Variants in EEFSEC observed in about 807,000 individuals in gnomAD.
The protein encoded by EEFSEC is eukaryotic elongation factor, selenocysteine-tRNA specific, also known as selenocysteine-specific elongation factor.
In EEFSEC, 43 loss-of-function variants were observed where a neutral mutation model predicts 42.1. The ratio of observed to expected loss-of-function variants is 1.02; its 90% CI spans 0.80 to 1.32. The LOEUF is 1.32. Among genes scored for constraint, EEFSEC ranks in the 40% most tolerant of loss-of-function variants. The pLI is 0.00. For missense variants in EEFSEC, 745 were observed against 803.6 expected (o/e 0.93, Z 0.88); for synonymous variants, 354 against 339.1 (o/e 1.04, Z -0.48).
rs566740488 is a variant in EEFSEC at position 128,311,135 on chromosome 3, A to G, written c.787-30098A>G. Reference sequence around the variant, plus strand: ...ATTCAGATTTAGACCAATGTGTTTTAGAAAAGGACTAACCATGAGATTCCC... The same window carrying G: ...ATTCAGATTTAGACCAATGTGTTTTGGAAAAGGACTAACCATGAGATTCCC... On this transcript the variant is annotated intron_variant, in intron 4 of 6. Coordinates refer to ENST00000254730, the MANE Select transcript of EEFSEC (RefSeq NM_021937.5). 3.9e-5 allele frequency among the ~76,000 whole-genome samples: 6 copies of G among 152,394 alleles called. No homozygotes were observed. In the East Asian group the frequency reaches 1.2e-3, roughly 29 times the overall value.
At chr3:128,161,153 A>G (rs2065182304) in intron 1 of EEFSEC, among the ~76,000 whole-genome samples, 1 of 152,156 alleles carries the variant, frequency 6.6e-6, no homozygotes, top group Non-Finnish European at 1.5e-5. Context: ...GAAAAAGTGT[A>G]CCCGTCCATT....
chr3:128,416,468 C>T, the EEFSEC span, among the ~76,000 whole-genome samples: 1 of 152,208 alleles, frequency 6.6e-6, no homozygotes, highest in Non-Finnish European at 1.5e-5. Context: ...CGGCCATGCC[C>T]CTGCCTGGAG....
chr3:128,312,699 C>T (rs113506477), intron 4 of EEFSEC, among the ~76,000 whole-genome samples: 31 of 152,388 alleles, frequency 2.0e-4, no homozygotes, highest in African/African-American at 6.5e-4. Flanking sequence ...GGCAGGGCTA[C>T]AGCAGGTGTG....
chr3:128,221,894 C>T (rs1303298493), intron 1 of EEFSEC, among the ~76,000 whole-genome samples: 1 of 151,898 alleles, frequency 6.6e-6, no homozygotes, highest in African/African-American at 2.4e-5. Context: ...GAAAACAAAC[C>T]AAAAAGAAAT....
chr3:128,371,170 C>G (rs1326262031), intron 6 of EEFSEC, among the ~76,000 whole-genome samples: 1 of 151,908 alleles, frequency 6.6e-6, no homozygotes, highest in Non-Finnish European at 1.5e-5. Flanking sequence ...TTCATGGAAT[C>G]CAATTGAGGC....
chr3:128,265,206 C>G (rs2066341880), intron 4 of EEFSEC, among the ~76,000 whole-genome samples: 1 of 152,128 alleles, frequency 6.6e-6, no homozygotes. Context: ...GTACCTTTTT[C>G]TTAACCACAG....
chr3:128,265,972 A>G (rs1211475957), intron 4 of EEFSEC, among the ~76,000 whole-genome samples: 1 of 152,210 alleles, frequency 6.6e-6, no homozygotes, highest in Non-Finnish European at 1.5e-5. Context: ...GAATTTGCTT[A>G]TACTATTATA....
intron 4 of EEFSEC, among the ~76,000 whole-genome samples, chr3:128,291,714 T>A (rs2066645836): frequency 6.6e-6 from 1 of 152,256 alleles, no homozygotes; most frequent in South Asian, 2.1e-4. Context: ...AATTTCTGAG[T>A]ACTTTCTTTG....
chr3:128,327,107 T>C (rs1257655668), intron 4 of EEFSEC, among the ~76,000 whole-genome samples: 2 of 152,222 alleles, frequency 1.3e-5, no homozygotes, highest in Admixed American at 6.5e-5. Flanking sequence ...CTCATCAGTG[T>C]GGACACCTCA....
At chr3:128,197,416 A>AC (rs1343110104) in intron 1 of EEFSEC, among the ~76,000 whole-genome samples, 9 of 152,138 alleles carry the variant, frequency 5.9e-5, no homozygotes, top group African/African-American at 2.2e-4. Flanking sequence ...GATTACAGGC[A>AC]CATGCCATCA....
chr3:128,396,076 G>A (rs1419847112), intron 6 of EEFSEC, among the ~76,000 whole-genome samples: 1 of 152,198 alleles, frequency 6.6e-6, no homozygotes, highest in Non-Finnish European at 1.5e-5. Flanking sequence ...GGCCTGGACA[G>A]CCACCATTCC....
chr3:128,384,855 A>T (rs907137328), intron 6 of EEFSEC, among the ~76,000 whole-genome samples: 1 of 152,152 alleles, frequency 6.6e-6, no homozygotes, highest in Non-Finnish European at 1.5e-5. Flanking sequence ...AGAGGAAATT[A>T]CTGAGGGCCA....
chr3:128,323,001 C>T (rs899964710), intron 4 of EEFSEC, among the ~76,000 whole-genome samples: 4 of 152,212 alleles, frequency 2.6e-5, no homozygotes, highest in Non-Finnish European at 5.9e-5. Context: ...AGAGTATTTG[C>T]TTAACATGTT....
intron 5 of EEFSEC, among the ~76,000 whole-genome samples, chr3:128,342,332 C>A (rs2067265435): frequency 1.3e-5 from 2 of 152,268 alleles, no homozygotes; most frequent in Non-Finnish European, 2.9e-5. Flanking sequence ...CCATGTGCCC[C>A]TGCAAGCTGC....
At chr3:128,272,265 A>G (rs2811534) in intron 4 of EEFSEC, among the ~76,000 whole-genome samples, 127,669 of 152,266 alleles carry the variant, frequency 0.84, 54,017 homozygotes, top group East Asian at 0.99. Flanking sequence ...ATCCGTCCTG[A>G]CAGTGGAACA....
At chr3:128,424,467 G>A in the EEFSEC span, among the ~76,000 whole-genome samples, 2 of 152,074 alleles carry the variant, frequency 1.3e-5, no homozygotes, top group African/African-American at 4.8e-5. Flanking sequence ...CTGCAGCCTC[G>A]AACTCCTAGG....
intron 1 of EEFSEC, among the ~76,000 whole-genome samples, chr3:128,184,706 T>C (rs1352789387): frequency 6.6e-6 from 1 of 152,366 alleles, no homozygotes; most frequent in East Asian, 1.9e-4. Flanking sequence ...GTTCTGATTC[T>C]GTTTAAAATG....
intron 1 of EEFSEC, among the ~76,000 whole-genome samples, chr3:128,204,776 C>T (rs1049559624): frequency 3.9e-5 from 6 of 152,004 alleles, no homozygotes; most frequent in African/African-American, 1.2e-4. Flanking sequence ...TCAGTGAGAC[C>T]CTCCCGAGCT....
rs556402096 is a variant in EEFSEC, at chr3:128,323,610, C to T, written c.787-17623C>T. On this transcript the variant is annotated intron_variant, in intron 4 of 6. Transcript: ENST00000254730. ...GCCTTGACTTCTCGCCATAGCCCCA[C>T]GGGTGTTATTATCCCCTTTTTACTA... Among the ~76,000 whole-genome samples, 35 of 152,314 alleles carry T rather than the reference C, an allele frequency of 2.3e-4. 1 individual carries two copies. Among genetic ancestry groups the T allele is most frequent in the African/African-American group, 7.7e-4 (32 of 41,548 alleles).
Sources: gnomAD v4.1 joint callset for allele counts (sites outside exome capture counted in the v4.1 genomes callset) on GRCh38, gnomAD v4.1.1 for gene constraint, MANE v1.5 for transcripts, NCBI Gene and HGNC (gene_info 2026-07-23, HGNC 2026-07-21) for gene names.